The following IDI1 variants were observed in gnomAD, a reference collection of about 807,000 sequenced individuals.
The protein encoded by IDI1 is isopentenyl-diphosphate Delta-isomerase 1.
A neutral mutation model predicts 32.9 loss-of-function variants in IDI1; 23 were observed. The observed-to-expected ratio is 0.70, with a 90% CI of 0.50 to 0.99. IDI1 has a LOEUF of 0.99. Among genes scored for constraint, IDI1 ranks in the 50% least tolerant of loss-of-function variants. The pLI, the probability that IDI1 is intolerant of heterozygous loss-of-function variation, is 0.00. For missense variants in IDI1, 326 were observed against 351.9 expected (o/e 0.93, Z 0.59); for synonymous variants, 133 against 128.2 (o/e 1.04, Z -0.25).
rs539649877 is a variant in IDI1 at position 1,041,512 on chromosome 10, A to G, written c.538-8T>C. 1.4e-5 allele frequency: 20 copies of G among 1,457,320 alleles called. No individual in the cohort carries two copies. Among genetic ancestry groups the G allele is most frequent in the Admixed American group, 2.4e-5 (1 of 42,006 alleles). The allele number at this position is 1,457,320 out of a possible 1,614,324, so 90.3% of individuals were successfully genotyped here. On this transcript the variant is annotated splice_region_variant and splice_polypyrimidine_tract_variant and intron_variant, in intron 4 of 4. Coordinates refer to ENST00000381344, the MANE Select transcript of IDI1 (RefSeq NM_004508.4). ...AATTTCTTCTGGAGGAACCTAAGACATTAAAAAAAAAAAAGTAATTAAAAC... is the reference window on the plus strand; with the variant it reads ...AATTTCTTCTGGAGGAACCTAAGACGTTAAAAAAAAAAAAGTAATTAAAAC...
chr10:1,052,490 G>A (rs1021028441), upstream of IDI1, among the ~76,000 whole-genome samples: 2 of 152,238 alleles, frequency 1.3e-5, no homozygotes, highest in Admixed American at 6.5e-5. Context: ...GGGATGTTGT[G>A]TTAGCAGGCA....
At chr10:1,049,661 ATTTTT>A (rs3053722), upstream of IDI1, 2 of 150,328 alleles carry the variant, frequency 1.3e-5, no homozygotes, top group Admixed American at 6.6e-5. Context: ...TACGTTCTAA[ATTTTT>A]TTTTTTTGAG....
chr10:1,041,877 C>A (rs976713766), intron 4 of IDI1, among the ~76,000 whole-genome samples: 1 of 150,574 alleles, frequency 6.6e-6, no homozygotes, highest in Non-Finnish European at 1.5e-5. Flanking sequence ...GTGATCTCAG[C>A]TCACTGCAAC....
chr10:1,051,168 A>T (rs1003342027), upstream of IDI1, among the ~76,000 whole-genome samples: 14 of 152,250 alleles, frequency 9.2e-5, no homozygotes, highest in Non-Finnish European at 1.9e-4. Flanking sequence ...TGAATTAAAC[A>T]GATCTTCCAA....
At chr10:1,046,105 C>T (rs748376797) in intron 1 of IDI1, among the ~76,000 whole-genome samples, 6 of 152,176 alleles carry the variant, frequency 3.9e-5, no homozygotes, top group Non-Finnish European at 8.8e-5. Context: ...GAGTTAGTTC[C>T]AGGACCTCCC....
intron 4 of IDI1, 131 bp downstream of exon 4, chr10:1,042,501 T>C (rs1344917410): frequency 1.2e-6 from 1 of 819,544 alleles, no homozygotes. Flanking sequence ...TCAAGATGGT[T>C]TGTGGGGCTA....
chr10:1,054,521 T>C, the IDI1 span, among the ~76,000 whole-genome samples: 7 of 152,360 alleles, frequency 4.6e-5, no homozygotes, highest in Admixed American at 3.9e-4. Context: ...ACAAAGTACA[T>C]GTATTTTGCA....
chr10:1,043,509 T>G (rs1408795434), intron 2 of IDI1, 116 bp from the exon 3 acceptor site: 3 of 740,880 alleles, frequency 4.0e-6, no homozygotes, highest in Non-Finnish European at 7.4e-6. Flanking sequence ...CTTTTTCCCA[T>G]GGTTTATCCA....
At chr10:1,043,483 C>T in intron 2 of IDI1, 90 bp from the exon 3 acceptor site, 1 of 807,922 alleles carries the variant, frequency 1.2e-6, no homozygotes, top group Non-Finnish European at 2.2e-6. Context: ...ACATTAGTAA[C>T]TTGCTGCTGC....
intron 3 of IDI1, 35 bp downstream of exon 3, chr10:1,043,266 A>T (rs1363370983): frequency 8.0e-7 from 1 of 1,257,416 alleles, no homozygotes; most frequent in Admixed American, 1.8e-5. Flanking sequence ...AAATTAATGT[A>T]CAAACACAAT....
At chr10:1,043,463 G>C in intron 2 of IDI1, 70 bp from the exon 3 acceptor site, 1 of 926,468 alleles carries the variant, frequency 1.1e-6, no homozygotes, top group Non-Finnish European at 1.8e-6. Flanking sequence ...TCTCCCTGCA[G>C]TTCAGAATAA....
upstream of IDI1, among the ~76,000 whole-genome samples, chr10:1,053,912 T>C (rs1833077002): frequency 1.3e-5 from 2 of 152,058 alleles, no homozygotes; most frequent in South Asian, 4.1e-4. Flanking sequence ...ATTTCAGTAT[T>C]GCTGTGTCTC....
chr10:1,045,749 G>A (rs1307878642), intron 1 of IDI1, among the ~76,000 whole-genome samples: 1 of 152,224 alleles, frequency 6.6e-6, no homozygotes, highest in East Asian at 1.9e-4. Context: ...TTACAGGAGT[G>A]AGCCACCACA....
intron 1 of IDI1, chr10:1,048,238 C>T (rs1242559224): frequency 6.9e-6 from 9 of 1,301,730 alleles, no homozygotes; most frequent in East Asian, 5.5e-5. Flanking sequence ...AAAATGAATA[C>T]GTCTATTTAT....
chr10:1,050,715 C>T (rs1285437241), upstream of IDI1, among the ~76,000 whole-genome samples: 1 of 152,210 alleles, frequency 6.6e-6, no homozygotes, highest in Non-Finnish European at 1.5e-5. Flanking sequence ...CACACCCACA[C>T]TCAGACTGGG....
At position 1,041,068 on chromosome 10, in the gene IDI1, G is replaced by A; in HGVS notation, c.*119C>T. 1.5e-6 allele frequency: 1 copy of A among 653,248 alleles called. No individual in the cohort carries two copies. Among genetic ancestry groups the A allele is most frequent in the East Asian group, 2.7e-5 (1 of 36,572 alleles). 40.5% of individuals were successfully genotyped at this position (653,248 alleles called of 1,614,324 possible). A position where few individuals can be genotyped will look rare whatever the true frequency, so the allele number is the denominator to read the frequency against. On this transcript the variant is annotated 3_prime_UTR_variant, in exon 5 of 5. Transcript: ENST00000381344. ...CAGTGTATATAATACATTAATGATA[G>A]TACCAAATGATAGAACTAAATTTAA...
At position 1,040,093 on chromosome 10, in the gene IDI1, C is replaced by T. The variant is rs1186454718; in HGVS notation, c.*1094G>A. ...CAGCATTTAAGAATAATAAATCTGT[C>T]TTGAGGTTTCAAATCTGAGATATCT... On this transcript the variant is annotated 3_prime_UTR_variant, in exon 5 of 5. Transcript: ENST00000381344. 2.0e-5 allele frequency: 3 copies of T among 152,290 alleles called. No individual in the cohort carries two copies. The highest frequency in any genetic ancestry group is 4.1e-4 in the South Asian group (2 of 4,832). The allele number at this position is 152,290 out of a possible 1,614,324, so 9.4% of individuals were successfully genotyped here.
In IDI1 at chr10:1,041,514, T is replaced by TAAA; in HGVS notation, c.538-13_538-11dup. ...TTTCTTCTGGAGGAACCTAAGACATTAAAAAAAAAAAAGTAATTAAAACAT... is the reference window on the plus strand; with the variant it reads ...TTTCTTCTGGAGGAACCTAAGACATTAAAAAAAAAAAAAAAGTAATTAAAACAT... On this transcript the variant is annotated splice_polypyrimidine_tract_variant and intron_variant, in intron 4 of 4. Transcript: ENST00000381344. 3.3e-6 allele frequency: 4 copies of TAAA among 1,222,642 alleles called. No homozygotes were observed. The highest frequency in any genetic ancestry group is 3.3e-6 in the Non-Finnish European group (3 of 901,902). The allele number at this position is 1,222,642 out of a possible 1,614,324, so 75.7% of individuals were successfully genotyped here.
chr10:1,051,087 C>T (rs1832999774), upstream of IDI1, among the ~76,000 whole-genome samples: 3 of 152,238 alleles, frequency 2.0e-5, no homozygotes, highest in Admixed American at 6.5e-5. Context: ...TTGACTGTAC[C>T]TCGAATGCCT....
Sources: gnomAD v4.1 joint callset for allele counts (sites outside exome capture counted in the v4.1 genomes callset) on GRCh38, gnomAD v4.1.1 for gene constraint, MANE v1.5 for transcripts, NCBI Gene and HGNC (gene_info 2026-07-23, HGNC 2026-07-21) for gene names.